GRID2: variants seen among roughly 807,000 people sequenced by gnomAD.
The protein encoded by GRID2 is glutamate receptor ionotropic, delta-2.
GRID2 carries 33 observed loss-of-function variants against 114.8 expected under a neutral mutation model. The observed-to-expected ratio is 0.29, with a 90% CI of 0.22 to 0.38. GRID2 has a LOEUF of 0.38. GRID2 is among the 10% of genes least tolerant of loss of function. GRID2 has a pLI of 1.00. For synonymous variants in GRID2, 505 were observed against 449.9 expected (o/e 1.12, Z -1.55); for missense variants, 1,184 against 1,257.7 (o/e 0.94, Z 0.89).
rs932817141 is a variant in GRID2 at position 92,411,642 on chromosome 4, T to C, written c.88+106898T>C. ...ATATATGCATGTGTGTGTGTGTGTG[T>C]GTGTGTGTGTGTGTATATATATATA... On this transcript the variant is annotated intron_variant, in intron 1 of 15. Coordinates refer to ENST00000282020, the MANE Select transcript of GRID2 (RefSeq NM_001510.4). Among the ~76,000 whole-genome samples, 139 of 122,390 alleles carry C rather than the reference T, an allele frequency of 1.1e-3. 1 individual carries two copies. Among genetic ancestry groups the C allele is most frequent in the Middle Eastern group, 4.0e-3 (1 of 250 alleles). The allele number at this position is 122,390 out of a possible 152,430, so 80.3% of individuals were successfully genotyped here. A position where few individuals can be genotyped will look rare whatever the true frequency, so the allele number is the denominator to read the frequency against.
chr4:92,900,936 C>CTGTGTGTGTATGTGTG (rs1747538843), intron 2 of GRID2, among the ~76,000 whole-genome samples: 1 of 149,776 alleles, frequency 6.7e-6, no homozygotes, highest in African/African-American at 2.5e-5. Flanking sequence ...TAGTATTCGT[C>CTGTGTGTGTATGTGTG]TGTGTGTGTG....
At chr4:93,421,668 C>G (rs1435523575) in intron 9 of GRID2, among the ~76,000 whole-genome samples, 1 of 151,996 alleles carries the variant, frequency 6.6e-6, no homozygotes, top group Non-Finnish European at 1.5e-5. Flanking sequence ...CTCTTTGACC[C>G]TGAACAATTA....
intron 1 of GRID2, among the ~76,000 whole-genome samples, chr4:92,561,076 A>G (rs935305596): frequency 6.6e-6 from 1 of 152,112 alleles, no homozygotes; most frequent in Non-Finnish European, 1.5e-5. Flanking sequence ...AATATTTCCT[A>G]TACCTTGTGA....
chr4:93,502,115 G>C (rs968587982), intron 12 of GRID2, among the ~76,000 whole-genome samples: 2 of 152,126 alleles, frequency 1.3e-5, no homozygotes, highest in Non-Finnish European at 2.9e-5. Flanking sequence ...TGTGGGAAGA[G>C]TAGTGATGAA....
At chr4:93,745,446 G>A (rs560620328) in intron 14 of GRID2, among the ~76,000 whole-genome samples, 75 of 152,116 alleles carry the variant, frequency 4.9e-4, no homozygotes, top group Non-Finnish European at 9.4e-4. Flanking sequence ...AGAGGCTGAT[G>A]CACATTTATA....
At chr4:92,972,443 A>C (rs1418757303) in intron 2 of GRID2, among the ~76,000 whole-genome samples, 1 of 152,118 alleles carries the variant, frequency 6.6e-6, no homozygotes, top group Non-Finnish European at 1.5e-5. Flanking sequence ...TAAAATATAA[A>C]AACATGGTTT....
intron 1 of GRID2, among the ~76,000 whole-genome samples, chr4:92,426,787 C>G (rs1025948686): frequency 2.0e-5 from 3 of 152,010 alleles, no homozygotes; most frequent in African/African-American, 7.2e-5. Context: ...CTGAAGGGAC[C>G]TTCTCTCTCT....
intron 2 of GRID2, among the ~76,000 whole-genome samples, chr4:93,018,808 C>G (rs1723011301): frequency 6.6e-6 from 1 of 151,990 alleles, no homozygotes; most frequent in Non-Finnish European, 1.5e-5. Flanking sequence ...GGTATCATAT[C>G]AATGAAAAGC....
intron 4 of GRID2, among the ~76,000 whole-genome samples, chr4:93,163,401 CACTATATATAT>C (rs1737939845): frequency 4.4e-5 from 1 of 22,956 alleles, no homozygotes; most frequent in Non-Finnish European, 7.3e-5. Flanking sequence ...TATATATATA[CACTATATATAT>C]ACATACATGT....
intron 4 of GRID2, among the ~76,000 whole-genome samples, chr4:93,177,518 G>A (rs1302064978): frequency 6.6e-6 from 1 of 152,076 alleles, no homozygotes; most frequent in Non-Finnish European, 1.5e-5. Flanking sequence ...ACGTATATCC[G>A]ATTCTTGAGC....
chr4:93,376,806 C>T (rs924407631), intron 8 of GRID2, among the ~76,000 whole-genome samples: 1 of 152,142 alleles, frequency 6.6e-6, no homozygotes, highest in Non-Finnish European at 1.5e-5. Flanking sequence ...ACAACACACA[C>T]TGGGGCCTTC....
At chr4:92,783,879 A>C (rs1246100560) in intron 2 of GRID2, among the ~76,000 whole-genome samples, 1 of 151,110 alleles carries the variant, frequency 6.6e-6, no homozygotes, top group Non-Finnish European at 1.5e-5. Flanking sequence ...AGAGTGAAAC[A>C]CTCTCTCTAA....
intron 1 of GRID2, among the ~76,000 whole-genome samples, chr4:92,393,547 A>G (rs1730350196): frequency 6.6e-6 from 1 of 152,186 alleles, no homozygotes; most frequent in Non-Finnish European, 1.5e-5. Flanking sequence ...TATATGTGGC[A>G]TACAGTTAAT....
chr4:92,678,792 C>T (rs1336828526), intron 2 of GRID2, among the ~76,000 whole-genome samples: 5 of 151,872 alleles, frequency 3.3e-5, no homozygotes, highest in African/African-American at 1.2e-4. Context: ...CTTTAGATAT[C>T]ATTTTCACAT....
rs77745276 is a variant in GRID2 at position 93,332,183 on chromosome 4, A to G, written c.1246-63424A>G. On this transcript the variant is annotated intron_variant, in intron 8 of 15. Coordinates refer to ENST00000282020, the MANE Select transcript of GRID2 (RefSeq NM_001510.4). Reference sequence around the variant, plus strand: ...GTCTTGTTTCTGAACACATGGACAAAATTTGACTTACAGAAGAAAGACAAT... The same window carrying G: ...GTCTTGTTTCTGAACACATGGACAAGATTTGACTTACAGAAGAAAGACAAT... Among the ~76,000 whole-genome samples, 675 of 152,072 alleles carry G rather than the reference A, an allele frequency of 4.4e-3. 5 individuals are homozygous for G. Among genetic ancestry groups the G allele is most frequent in the African/African-American group, 0.015 (636 of 41,482 alleles).
At position 93,608,286 on chromosome 4, in the gene GRID2, A is replaced by AT. The variant is rs1233562286; in HGVS notation, c.2194-17974dup. Among the ~76,000 whole-genome samples the AT allele has an allele frequency of 1.3e-3, 106 of 83,876 alleles. 2 individuals carry two copies. The East Asian group carries it at 0.027, about 21-fold the overall frequency. 55.0% of individuals were successfully genotyped at this position (83,876 alleles called of 152,430 possible). Reference sequence around the variant, plus strand: ...AAACTATTTAGTCCAACTGAAAATTATTTTTTTTTCTTTTTTTTTTTTTAA... The same window carrying AT: ...AAACTATTTAGTCCAACTGAAAATTATTTTTTTTTTCTTTTTTTTTTTTTAA... On this transcript the variant is annotated intron_variant, in intron 13 of 15. Transcript: ENST00000282020.
At chr4:92,944,376 G>A (rs1232889649) in intron 2 of GRID2, among the ~76,000 whole-genome samples, 2 of 152,236 alleles carry the variant, frequency 1.3e-5, no homozygotes, top group African/African-American at 2.4e-5. Flanking sequence ...TCTGAGCCAG[G>A]TGCTGGATAT....
In GRID2 at chr4:92,800,244, A is replaced by G. The variant is rs756437032; in HGVS notation, c.244+209958A>G. On this transcript the variant is annotated intron_variant, in intron 2 of 15. Transcript: ENST00000282020. The stretch of plus-strand genomic sequence containing the variant: ...TTCTGAAGTTAGACTAACTGGGAAG[A>G]TGGCATAGCAAAGGAAATGTCAGTA... Among the ~76,000 whole-genome samples the G allele has an allele frequency of 4.6e-5, 7 of 151,946 alleles. 1 individual carries two copies. Among genetic ancestry groups the G allele is most frequent in the Admixed American group, 2.6e-4 (4 of 15,226 alleles).
At chr4:93,138,625 G>T (rs892194306) in intron 4 of GRID2, among the ~76,000 whole-genome samples, 2 of 152,002 alleles carry the variant, frequency 1.3e-5, no homozygotes, top group Non-Finnish European at 2.9e-5. Context: ...AATTTTTCAG[G>T]CCAGACAACC....
Sources: allele counts gnomAD v4.1 joint callset (sites outside exome capture counted in the v4.1 genomes callset), GRCh38; gene constraint gnomAD v4.1.1; transcripts MANE v1.5; gene names NCBI Gene and HGNC (gene_info 2026-07-23, HGNC 2026-07-21).